The following UGGT1 variants were observed in gnomAD, a reference collection of about 807,000 sequenced individuals.
The protein encoded by UGGT1 is UDP-glucose:glycoprotein glucosyltransferase 1.
Under a neutral mutation model 203.9 loss-of-function variants are expected in UGGT1, and 107 were observed. The ratio of observed to expected loss-of-function variants is 0.52; its 90% CI spans 0.45 to 0.62. The LOEUF (loss-of-function observed/expected upper bound fraction) is 0.62. UGGT1 is among the 20% of genes least tolerant of loss of function. The pLI, the probability that UGGT1 is intolerant of heterozygous loss-of-function variation, is 0.00. For synonymous variants in UGGT1, 628 were observed against 653.5 expected (o/e 0.96, Z 0.59); for missense variants, 1,673 against 1,867.2 (o/e 0.90, Z 1.92).
At chr2:128,175,788 G>A (rs1691339583) in intron 31 of UGGT1, among the ~76,000 whole-genome samples, 1 of 151,988 alleles carries the variant, frequency 6.6e-6, no homozygotes, top group Admixed American at 6.5e-5. Flanking sequence ...CTTCCTAGCT[G>A]TTCAGGGCCC....
intron 32 of UGGT1, 127 bp downstream of exon 32, chr2:128,177,025 C>A: frequency 1.2e-6 from 1 of 807,304 alleles, no homozygotes; most frequent in Non-Finnish European, 1.9e-6. Context: ...TGCTTTAAGG[C>A]AAAATGTCTT....
Position 128,180,942 on chromosome 2 carries a change from A to G in UGGT1, c.3953A>G (p.Gln1318Arg). The change falls in exon 36 of 41, where the codon CAG becomes CGG. Residue 1318 changes from glutamine (Q) to arginine (R), a missense_variant. Transcript: ENST00000259253. Reference protein sequence around the residue: ...NEYNFQYELVQYKWPRWLHQQ... With the variant: ...NEYNFQYELVRYKWPRWLHQQ... ...TACAATTTCCAGTATGAGCTTGTTCAGTACAAATGGCCCCGGTGGCTTCAT... is the reference window on the plus strand; with the variant it reads ...TACAATTTCCAGTATGAGCTTGTTCGGTACAAATGGCCCCGGTGGCTTCAT... 1 of 1,614,226 alleles carries G rather than the reference A, an allele frequency of 6.2e-7. No homozygotes were observed. The highest frequency in any genetic ancestry group is 8.5e-7 in the Non-Finnish European group (1 of 1,180,034).
intron 13 of UGGT1, among the ~76,000 whole-genome samples, chr2:128,129,432 T>C (rs1168357767): frequency 6.7e-6 from 1 of 150,016 alleles, no homozygotes; most frequent in African/African-American, 2.5e-5. Flanking sequence ...AGAGTCTTGC[T>C]CTGTTGTCCA....
intron 23 of UGGT1, among the ~76,000 whole-genome samples, chr2:128,159,933 G>A (rs770486233): frequency 2.6e-5 from 4 of 152,066 alleles, no homozygotes; most frequent in African/African-American, 7.2e-5. Context: ...TGTGTTTTAA[G>A]TATGGAGCCA....
intron 36 of UGGT1, 129 bp from the exon 37 acceptor site, chr2:128,182,001 C>A: frequency 1.3e-6 from 1 of 798,430 alleles, no homozygotes; most frequent in Non-Finnish European, 2.0e-6. Context: ...GCATCTGCCC[C>A]TAGTGCCTGT....
chr2:128,153,237 CTCTT>C (rs1291534314), intron 19 of UGGT1, among the ~76,000 whole-genome samples: 1 of 152,176 alleles, frequency 6.6e-6, no homozygotes, highest in African/African-American at 2.4e-5. Flanking sequence ...TAAAGCAGTT[CTCTT>C]TCTTCATCCT....
chr2:128,170,518 G>C lies in UGGT1; in HGVS notation c.3024+128G>C, dbSNP rs995084764. On this transcript the variant is annotated intron_variant, in intron 27 of 40. Coordinates refer to ENST00000259253, the MANE Select transcript of UGGT1 (RefSeq NM_020120.4). ...CACTGGACAATGCTATGGGGTTCTA[G>C]GGCAGAGCAATCTTTACAAAGATTG... is the stretch of plus-strand genomic sequence containing the variant. 7.2e-6 allele frequency: 5 copies of C among 699,258 alleles called. No homozygotes were observed. The African/African-American group carries it at 8.9e-5, about 12-fold the overall frequency. The allele number at this position is 699,258 out of a possible 1,614,324, so 43.3% of individuals were successfully genotyped here. A position where few individuals can be genotyped will look rare whatever the true frequency, so the allele number is the denominator to read the frequency against.
At chr2:128,147,645 C>T (rs1025886725) in intron 18 of UGGT1, among the ~76,000 whole-genome samples, 2 of 151,714 alleles carry the variant, frequency 1.3e-5, no homozygotes, top group South Asian at 4.2e-4. Context: ...GGGTCTCGCT[C>T]TGTCACCCGG....
intron 6 of UGGT1, among the ~76,000 whole-genome samples, chr2:128,114,105 T>C (rs933262645): frequency 1.1e-4 from 17 of 152,000 alleles, no homozygotes; most frequent in Non-Finnish European, 2.4e-4. Context: ...GCAAAAAAAA[T>C]AAAATTTTAT....
At chr2:128,129,268 C>T in intron 13 of UGGT1, 89 bp downstream of exon 13, 1 of 1,395,696 alleles carries the variant, frequency 7.2e-7, no homozygotes. Flanking sequence ...GGTGAAGTTA[C>T]TCCCACCATC....
chr2:128,091,399 T>G lies in UGGT1; in HGVS notation c.42T>G (p.Gly14=), dbSNP rs1573474613. Residue 14 remains glycine (G), a synonymous_variant, in exon 1 of 41, where the codon GGT becomes GGG. Coordinates refer to ENST00000259253, the MANE Select transcript of UGGT1 (RefSeq NM_020120.4). ...ACGCGAGCGGTGCGTGTGCCGCGGG[T>G]GCGCTGCCGGTGACAGGTACCCAGG... The part of the protein sequence containing the change: ...KGDASGACAA[G]ALPVTGVCYK... The G allele has an allele frequency of 6.3e-7, 1 of 1,579,502 alleles. No individual in the cohort carries two copies. The highest frequency in any genetic ancestry group is 8.6e-7 in the Non-Finnish European group (1 of 1,162,856).
At chr2:128,174,049 T>A (rs1256107540) in intron 30 of UGGT1, 110 bp downstream of exon 30, 13 of 1,296,410 alleles carry the variant, frequency 1.0e-5, no homozygotes, top group Non-Finnish European at 1.4e-5. Flanking sequence ...TTAAAATTCA[T>A]TATGGGCTGA....
At chr2:128,135,715 G>T (rs1558782101) in intron 15 of UGGT1, among the ~76,000 whole-genome samples, 1 of 152,120 alleles carries the variant, frequency 6.6e-6, no homozygotes, top group Non-Finnish European at 1.5e-5. Flanking sequence ...CAACTGCTAG[G>T]TTATGTCCTA....
Position 128,163,639 on chromosome 2 carries a change from C to T in UGGT1, c.2826-1091C>T, listed in dbSNP as rs368828374. On this transcript the variant is annotated intron_variant, in intron 25 of 40. Transcript: ENST00000259253. The stretch of plus-strand genomic sequence containing the variant: ...CTGAGGCAGGAGAATGGCGTGAACC[C>T]GGGAGGCAGAGCTTGCAGTGAGCGA... Among the ~76,000 whole-genome samples, 277 of 151,238 alleles carry T rather than the reference C, an allele frequency of 1.8e-3. 6 individuals carry two copies. The East Asian group carries it at 0.052, about 28-fold the overall frequency.
chr2:128,132,601 C>T (rs1558778762), intron 13 of UGGT1, among the ~76,000 whole-genome samples: 1 of 152,158 alleles, frequency 6.6e-6, no homozygotes, highest in Non-Finnish European at 1.5e-5. Flanking sequence ...ATTTTTATGT[C>T]TTCTTCATTC....
chr2:128,126,905 A>G (rs781740469), intron 11 of UGGT1, among the ~76,000 whole-genome samples: 49 of 151,340 alleles, frequency 3.2e-4, no homozygotes, highest in Non-Finnish European at 3.5e-4. Flanking sequence ...CTGGTCTCCA[A>G]CTCCTGGCCT....
At position 128,171,596 on chromosome 2, in the gene UGGT1, C is replaced by G. The variant is rs1265880485; in HGVS notation, c.3104+312C>G. Among the ~76,000 whole-genome samples, 9 of 152,146 alleles carry G rather than the reference C, an allele frequency of 5.9e-5. No individual in the cohort carries two copies. In the East Asian group the frequency reaches 1.7e-3, roughly 29 times the overall value. ...GATCTTGGCTCACTGCAGCCTCTGC[C>G]TCCCGGGTTCAAGGGATTCTCCTGC... On this transcript the variant is annotated intron_variant, in intron 28 of 40. Transcript: ENST00000259253.
chr2:128,091,337 C>T lies in UGGT1; in HGVS notation c.-21C>T, dbSNP rs556262487. The T allele has an allele frequency of 1.3e-5, 20 of 1,551,308 alleles. No homozygotes were observed. Among genetic ancestry groups the T allele is most frequent in the Middle Eastern group, 2.1e-4 (1 of 4,680 alleles). On this transcript the variant is annotated 5_prime_UTR_variant, in exon 1 of 41. Coordinates refer to ENST00000259253, the MANE Select transcript of UGGT1 (RefSeq NM_020120.4). ...CCTGGCGTTGTCTCTGGCACTGTGG[C>T]GGACTGACCACGGCCCGGGCATGGG...
chr2:128,191,970 C>G lies in UGGT1; in HGVS notation c.*2228C>G, dbSNP rs1006441097. On this transcript the variant is annotated 3_prime_UTR_variant, in exon 41 of 41. Coordinates refer to ENST00000259253, the MANE Select transcript of UGGT1 (RefSeq NM_020120.4). ...AACTGTGGGCGGAAGTGTGCCTTTT[C>G]CCAGTTTCTCGTCCAGGAGGTTGCA... is the stretch of plus-strand genomic sequence containing the variant. The G allele has an allele frequency of 1.3e-5, 2 of 152,240 alleles. No individual in the cohort carries two copies. Among genetic ancestry groups the G allele is most frequent in the Admixed American group, 1.3e-4 (2 of 15,274 alleles). 9.4% of individuals were successfully genotyped at this position (152,240 alleles called of 1,614,324 possible). A position where few individuals can be genotyped will look rare whatever the true frequency, so the allele number is the denominator to read the frequency against.
Sources: gnomAD v4.1 joint callset for allele counts (sites outside exome capture counted in the v4.1 genomes callset) on GRCh38, gnomAD v4.1.1 for gene constraint, MANE v1.5 for transcripts, NCBI Gene and HGNC (gene_info 2026-07-23, HGNC 2026-07-21) for gene names.